TMEM204: variants seen among roughly 807,000 people sequenced by gnomAD.
The protein encoded by TMEM204 is transmembrane protein 204, also known as claudin-like protein 24.
TMEM204 carries 15 observed loss-of-function variants against 19.4 expected under a neutral mutation model. The ratio of observed to expected loss-of-function variants is 0.77; its 90% CI spans 0.52 to 1.19. TMEM204 has a LOEUF of 1.19. Among genes scored for constraint, TMEM204 ranks in the 50% most tolerant of loss-of-function variants. The pLI, the probability that TMEM204 is intolerant of heterozygous loss-of-function variation, is 0.00. For synonymous variants in TMEM204, 161 were observed against 146.0 expected (o/e 1.10, Z -0.74); for missense variants, 287 against 321.2 (o/e 0.89, Z 0.81).
Position 1,534,189 on chromosome 16 carries a change from C to G in TMEM204, c.-87C>G. ...GATGAGTGGTGATGTCCTCTAGCCA[C>G]CCCTAGCAGCGTCGGCTCTCCCTGG... On this transcript the variant is annotated 5_prime_UTR_variant, in exon 1 of 3. Transcript: ENST00000566264. The G allele has an allele frequency of 6.5e-7, 1 of 1,547,604 alleles. No homozygotes were observed. The highest frequency in any genetic ancestry group is 2.3e-5 in the East Asian group (1 of 44,336).
upstream of TMEM204, among the ~76,000 whole-genome samples, chr16:1,530,056 G>A (rs1052559740): frequency 1.3e-4 from 20 of 151,914 alleles, no homozygotes; most frequent in African/African-American, 4.8e-4. Context: ...AGGCGTGATG[G>A]CCGCTTCGTA....
At chr16:1,534,586 GCGTGGC>G (rs1157628160) in intron 1 of TMEM204, 31 bp downstream of exon 1, 11 of 1,596,898 alleles carry the variant, frequency 6.9e-6, no homozygotes, top group Admixed American at 3.3e-5. Flanking sequence ...GATGCCTTCA[GCGTGGC>G]CGAGGCTCGA....
At chr16:1,541,126 T>A (rs970239104) in intron 1 of TMEM204, 23 of 985,308 alleles carry the variant, frequency 2.3e-5, no homozygotes, top group Middle Eastern at 5.2e-4. Context: ...TGACCACGCA[T>A]CCATGTGCCC....
intron 2 of TMEM204, among the ~76,000 whole-genome samples, chr16:1,543,165 G>A (rs924696872): frequency 2.0e-5 from 3 of 152,248 alleles, no homozygotes; most frequent in African/African-American, 7.2e-5. Context: ...CCATGGCTGA[G>A]CATGACCAGC....
intron 2 of TMEM204, among the ~76,000 whole-genome samples, chr16:1,546,522 T>A (rs1157976200): frequency 4.6e-5 from 7 of 152,188 alleles, no homozygotes; most frequent in Non-Finnish European, 7.4e-5. Context: ...CTCGCAGCTG[T>A]TATTCCAGCG....
intron 2 of TMEM204, among the ~76,000 whole-genome samples, chr16:1,548,738 G>A (rs938551079): frequency 2.0e-5 from 3 of 152,230 alleles, no homozygotes; most frequent in Non-Finnish European, 4.4e-5. Context: ...AAGGTGGGAA[G>A]GACAGAAGTA....
At chr16:1,536,589 G>C (rs900097617) in intron 1 of TMEM204, among the ~76,000 whole-genome samples, 16 of 152,192 alleles carry the variant, frequency 1.1e-4, no homozygotes, top group African/African-American at 3.9e-4. Context: ...AAAGGAACAG[G>C]CTCAACGGGT....
chr16:1,535,976 C>A (rs1238549779), intron 1 of TMEM204, among the ~76,000 whole-genome samples: 1 of 152,252 alleles, frequency 6.6e-6, no homozygotes, highest in African/African-American at 2.4e-5. Flanking sequence ...GAAGAAGGAG[C>A]CGCAGCCCCG....
chr16:1,552,750 G>C (rs1421575759), intron 2 of TMEM204, among the ~76,000 whole-genome samples: 1 of 148,954 alleles, frequency 6.7e-6, no homozygotes, highest in Non-Finnish European at 1.5e-5. Flanking sequence ...TTGGGTTCAA[G>C]CAATTCTCTG....
chr16:1,536,368 C>T (rs1324004134), intron 1 of TMEM204, among the ~76,000 whole-genome samples: 1 of 152,214 alleles, frequency 6.6e-6, no homozygotes, highest in African/African-American at 2.4e-5. Flanking sequence ...AGGCCCCTCA[C>T]AGAGCCCCCT....
chr16:1,547,814 G>A (rs748606698), intron 2 of TMEM204, among the ~76,000 whole-genome samples: 1 of 152,174 alleles, frequency 6.6e-6, no homozygotes, highest in Non-Finnish European at 1.5e-5. Context: ...GGGATTACAG[G>A]CGTGAGTCAC....
rs200563109 is a variant in TMEM204, at chr16:1,547,624, C to T, written c.436+5548C>T. ...CAATCTGGGTTCAATATAAGTTCCG[C>T]CTCCCAGGTTCAAGTGATTCTCCTG... is the stretch of plus-strand genomic sequence containing the variant. On this transcript the variant is annotated intron_variant, in intron 2 of 2. Coordinates refer to ENST00000566264, the MANE Select transcript of TMEM204 (RefSeq NM_024600.6). Among the ~76,000 whole-genome samples, 19 of 152,286 alleles carry T rather than the reference C, an allele frequency of 1.2e-4. 1 individual carries two copies. The East Asian group carries it at 3.7e-3, about 29-fold the overall frequency.
Position 1,553,055 on chromosome 16 carries a change from A to T in TMEM204, c.437-1727A>T. On this transcript the variant is annotated intron_variant, in intron 2 of 2. Coordinates refer to ENST00000566264, the MANE Select transcript of TMEM204 (RefSeq NM_024600.6). The surrounding 1 kb of genome is among the most constrained non-coding windows in gnomAD (Gnocchi z 4.4). ...ATGAACACAGAAACCAGTCACTGTC[A>T]TTGTTCAGGACAAAATGGAGATAGA... 1 of 985,448 alleles carries T rather than the reference A, an allele frequency of 1.0e-6. No homozygotes were observed. The highest frequency in any genetic ancestry group is 1.2e-6 in the Non-Finnish European group (1 of 829,934). The allele number at this position is 985,448 out of a possible 1,614,324, so 61.0% of individuals were successfully genotyped here.
chr16:1,531,461 T>C (rs1003074311), upstream of TMEM204: 6 of 152,286 alleles, frequency 3.9e-5, no homozygotes, highest in Middle Eastern at 3.4e-3. This position sits in a 1 kb window ranked among gnomAD's most constrained non-coding sequence, Gnocchi z 4.7. Flanking sequence ...GCTGGGTATA[T>C]GGGAGCCGCA....
rs781317964 is a variant in TMEM204, at chr16:1,554,816, C to T, written c.471C>T (p.Tyr157=). The T allele has an allele frequency of 3.7e-6, 6 of 1,614,216 alleles. No homozygotes were observed. Among genetic ancestry groups the T allele is most frequent in the Non-Finnish European group, 5.1e-6 (6 of 1,180,042 alleles). The stretch of plus-strand genomic sequence containing the variant: ...TGGTCATCGGGCTCGTGACTTTCTA[C>T]AGAATTGGCCCATACACCAACCTGT... The part of the protein sequence containing the change: ...FVLVIGLVTF[Y]RIGPYTNLSW... The change falls in exon 3 of 3, where the codon TAC becomes TAT. Residue 157 remains tyrosine, a synonymous_variant. Transcript: ENST00000566264.
At chr16:1,552,354 G>A (rs937747745) in intron 2 of TMEM204, among the ~76,000 whole-genome samples, 53 of 151,832 alleles carry the variant, frequency 3.5e-4, no homozygotes, top group Non-Finnish European at 6.5e-4. Context: ...CCTCCCGCTC[G>A]CCTCTGTCTC....
intron 2 of TMEM204, among the ~76,000 whole-genome samples, chr16:1,548,737 A>G (rs376731695): frequency 3.3e-5 from 5 of 152,208 alleles, no homozygotes; most frequent in South Asian, 4.1e-4. Context: ...GAAGGTGGGA[A>G]GGACAGAAGT....
chr16:1,535,049 A>G (rs779964438), intron 1 of TMEM204, among the ~76,000 whole-genome samples: 43 of 151,176 alleles, frequency 2.8e-4, no homozygotes, highest in Non-Finnish European at 5.9e-4. Flanking sequence ...TCTGAACATA[A>G]AAAAAAAATG....
intron 2 of TMEM204, among the ~76,000 whole-genome samples, chr16:1,548,887 T>C (rs1279463353): frequency 6.6e-6 from 1 of 152,178 alleles, no homozygotes; most frequent in Non-Finnish European, 1.5e-5. Flanking sequence ...TCCGTGTATT[T>C]GTTGGCTTTT....
Sources: gnomAD v4.1 joint callset for allele counts (sites outside exome capture counted in the v4.1 genomes callset) on GRCh38, gnomAD v4.1.1 for gene constraint, Gnocchi (gnomAD v3.1) non-coding constraint, MANE v1.5 for transcripts, NCBI Gene and HGNC (gene_info 2026-07-23, HGNC 2026-07-21) for gene names.